Variants in PSG9 observed in about 807,000 individuals in gnomAD.
PSG9 encodes the protein pregnancy specific beta-1-glycoprotein 9.
PSG9 carries 49 observed loss-of-function variants against 41.9 expected under a neutral mutation model. The ratio of observed to expected loss-of-function variants is 1.17; its 90% confidence interval spans 0.93 to 1.48. The LOEUF (loss-of-function observed/expected upper bound fraction) is 1.48. Ranked by LOEUF, PSG9 falls within the 40% of genes most tolerant of loss-of-function variation. The pLI is 0.00. For synonymous variants in PSG9, 263 were observed against 196.8 expected (o/e 1.34, Z -2.82); for missense variants, 641 against 520.3 (o/e 1.23, Z -2.26).
chr19:43,258,077 A>G lies in PSG9; in HGVS notation c.1243+125T>C, dbSNP rs1184988179. On this transcript the variant is annotated intron_variant, in intron 5 of 5. Transcript: ENST00000270077. ...ACAAATTGGGAGGGTTCAGGAGGAG[A>G]ATTTGGGATTTGCTTGTGCCCATGG... The G allele has an allele frequency of 1.9e-6, 3 of 1,588,150 alleles. No homozygotes were observed. The South Asian group carries it at 3.3e-5, about 18-fold the overall frequency.
rs35986995 is a variant in PSG9, at chr19:43,255,105, CA to C, written c.1244-1460del. 6.6e-3 allele frequency among the ~76,000 whole-genome samples: 542 copies of C among 82,208 alleles called. 32 individuals carry two copies. The highest frequency in any genetic ancestry group is 0.022 in the African/African-American group (424 of 19,614). 53.9% of individuals were successfully genotyped at this position (82,208 alleles called of 152,430 possible). ...AGTGAGAGCCTGTCTCTCTCTCTTC[CA>C]AAAAAAAAAAAAAAGAAAGAAAGAA... is the stretch of plus-strand genomic sequence containing the variant. On this transcript the variant is annotated intron_variant, in intron 5 of 5. Coordinates refer to ENST00000270077, the MANE Select transcript of PSG9 (RefSeq NM_002784.5).
chr19:43,262,144 C>T lies in PSG9; in HGVS notation c.431-6G>A, dbSNP rs750901997. On this transcript the variant is annotated splice_region_variant and splice_polypyrimidine_tract_variant and intron_variant, in intron 2 of 5. Transcript: ENST00000270077. ...GTAGGGCTTGGGAGTCTCCACTGTG[C>T]AGAAAACAGAGAGAAGATTGCCCTG... The T allele has an allele frequency of 6.2e-7, 1 of 1,610,130 alleles. No homozygotes were observed.
At chr19:43,264,584 A>G (rs1414226263) in intron 2 of PSG9, among the ~76,000 whole-genome samples, 2 of 152,020 alleles carry the variant, frequency 1.3e-5, no homozygotes, top group Non-Finnish European at 2.9e-5. Context: ...AGGCCTCCCA[A>G]GTAGGTGGGA....
intron 2 of PSG9, among the ~76,000 whole-genome samples, chr19:43,264,575 G>C (rs550155321): frequency 2.0e-5 from 3 of 151,900 alleles, no homozygotes; most frequent in Non-Finnish European, 4.4e-5. Flanking sequence ...CTCCTGCCTA[G>C]GCCTCCCAAG....
chr19:43,257,489 G>A, intron 5 of PSG9: 1 of 977,116 alleles, frequency 1.0e-6, no homozygotes, highest in Non-Finnish European at 1.2e-6. Context: ...CCCACGTGCT[G>A]TGCCCAAAGC....
rs10420710 is a variant in PSG9, at chr19:43,259,171, G to A, written c.710-36C>T. The A allele has an allele frequency of 2.5e-3, 3,913 of 1,579,882 alleles. 641 individuals are homozygous for A. The African/African-American group carries it at 0.047, about 19-fold the overall frequency. ...AACAGAGAGAAGATTGTCCTGTGTG[G>A]CACCTTTGATTCCTCCACAGGCATA... On this transcript the variant is annotated intron_variant, in intron 3 of 5. Transcript: ENST00000270077.
In PSG9 at chr19:43,257,665, C is replaced by A; in HGVS notation, c.1243+537G>T. 13 of 1,061,866 alleles carry A rather than the reference C, an allele frequency of 1.2e-5. 1 individual carries two copies. The South Asian group carries it at 5.2e-4, about 43-fold the overall frequency. The allele number at this position is 1,061,866 out of a possible 1,614,324, so 65.8% of individuals were successfully genotyped here. On this transcript the variant is annotated intron_variant, in intron 5 of 5. Transcript: ENST00000270077. ...GCCACCAGGGCCCTTTCTACACACACGCTAGTCCCACCCCAGGTTGAGTGA... is the reference window on the plus strand; with the variant it reads ...GCCACCAGGGCCCTTTCTACACACAAGCTAGTCCCACCCCAGGTTGAGTGA...
At chr19:43,267,706 A>G in intron 2 of PSG9, 78 bp downstream of exon 2, 4 of 1,593,132 alleles carry the variant, frequency 2.5e-6, no homozygotes, top group East Asian at 2.2e-5. Flanking sequence ...GGCAGAGTCC[A>G]GGCCTGACAA....
chr19:43,268,034 C>G lies in PSG9; in HGVS notation c.180G>C (p.Gln60His), dbSNP rs1444804916. The change falls in exon 2 of 6, where the codon CAG becomes CAC. Residue 60 changes from glutamine to histidine, a missense_variant. Transcript: ENST00000270077. ...TGTACCAGAAGTAGCCAGGAAGATT[C>G]TGGGGCAAATTGTGGACAAGTAGAA... Reference protein sequence around the residue: ...DVLLLVHNLPQNLPGYFWYKG... With the variant: ...DVLLLVHNLPHNLPGYFWYKG... The G allele has an allele frequency of 6.2e-7, 1 of 1,613,706 alleles. No homozygotes were observed. Among genetic ancestry groups the G allele is most frequent in the African/African-American group, 1.3e-5 (1 of 74,828 alleles).
At chr19:43,257,743 G>C (rs1968499476) in intron 5 of PSG9, 1 of 1,214,870 alleles carries the variant, frequency 8.2e-7, no homozygotes, top group African/African-American at 1.7e-5. Context: ...CAGAGTCTGA[G>C]CTGCTCCTCC....
At chr19:43,258,076 G>T (rs763668190) in intron 5 of PSG9, 126 bp downstream of exon 5, 5 of 1,588,608 alleles carry the variant, frequency 3.1e-6, no homozygotes, top group Non-Finnish European at 4.3e-6. Context: ...TTCAGGAGGA[G>T]AATTTGGGAT....
rs567834320 is a variant in PSG9, at chr19:43,267,544, C to A, written c.430+240G>T. Among the ~76,000 whole-genome samples, 7 of 152,216 alleles carry A rather than the reference C, an allele frequency of 4.6e-5. No individual in the cohort carries two copies. The South Asian group carries it at 1.2e-3, about 27-fold the overall frequency. ...TGAGACTGATCTCCTCCTGCTGAGTCCCCCCATCAGACTGTCCTTCCTCTG... is the reference window on the plus strand; with the variant it reads ...TGAGACTGATCTCCTCCTGCTGAGTACCCCCATCAGACTGTCCTTCCTCTG... On this transcript the variant is annotated intron_variant, in intron 2 of 5. Transcript: ENST00000270077.
At chr19:43,269,310 C>T in intron 1 of PSG9, 58 bp downstream of exon 1, 1 of 1,611,280 alleles carries the variant, frequency 6.2e-7, no homozygotes, top group Non-Finnish European at 8.5e-7. Context: ...CTCCAGGAGA[C>T]CCCATCCAGT....
intron 2 of PSG9, among the ~76,000 whole-genome samples, chr19:43,264,616 C>T (rs1468659538): frequency 1.3e-5 from 2 of 152,074 alleles, no homozygotes; most frequent in Admixed American, 1.3e-4. Flanking sequence ...CACCACCACG[C>T]CCGGCTAATT....
chr19:43,268,047 T>C lies in PSG9; in HGVS notation c.167A>G (p.His56Arg), dbSNP rs1310592143. 5 of 1,613,738 alleles carry C rather than the reference T, an allele frequency of 3.1e-6. No homozygotes were observed. Among genetic ancestry groups the C allele is most frequent in the East Asian group, 2.2e-5 (1 of 44,878 alleles). The change falls in exon 2 of 6, where the codon CAC becomes CGC. Residue 56 changes from histidine to arginine, a missense_variant. By Grantham distance (29) the His-to-Arg change is conservative (BLOSUM62 0). Coordinates refer to ENST00000270077, the MANE Select transcript of PSG9 (RefSeq NM_002784.5). ...GCCAGGAAGATTCTGGGGCAAATTG[T>C]GGACAAGTAGAAGAACATCCTTCCC... The part of the protein sequence containing the change: ...SEGKDVLLLV[H>R]NLPQNLPGYF...
intron 5 of PSG9, among the ~76,000 whole-genome samples, chr19:43,255,168 T>A (rs1476822069): frequency 7.1e-6 from 1 of 141,210 alleles, no homozygotes; most frequent in East Asian, 2.5e-4. Flanking sequence ...TCTAATAAAA[T>A]AATGATGATG....
At position 43,259,100 on chromosome 19, in the gene PSG9, A is replaced by C. The variant is rs1568413045; in HGVS notation, c.745T>G (p.Leu249Val). Reference sequence around the variant, plus strand: ...ACATCCTTATTCTCCCTGGGGTTTAAGTTGTTGATGGTGATGTAGGGGATG... The same window carrying C: ...ACATCCTTATTCTCCCTGGGGTTTACGTTGTTGATGGTGATGTAGGGGATG... ...LPIPYITINN[L>V]NPRENKDVLA... Residue 249 changes from leucine (L) to valine (V), a missense_variant, in exon 4 of 6, where the codon TTA becomes GTA. Coordinates refer to ENST00000270077, the MANE Select transcript of PSG9 (RefSeq NM_002784.5). The C allele has an allele frequency of 6.3e-7, 1 of 1,590,432 alleles. No homozygotes were observed.
chr19:43,258,719 G>T, intron 4 of PSG9, 138 bp downstream of exon 4: 1 of 1,428,848 alleles, frequency 7.0e-7, no homozygotes, highest in Non-Finnish European at 9.3e-7. Flanking sequence ...TTTTCCCAGG[G>T]CAGGGAGTCA....
intron 5 of PSG9, among the ~76,000 whole-genome samples, chr19:43,254,851 G>A (rs550865641): frequency 1.4e-5 from 2 of 145,776 alleles, no homozygotes; most frequent in African/African-American, 2.6e-5. Flanking sequence ...CACTTTGGGA[G>A]GTCACAGCAG....
Sources: allele counts gnomAD v4.1 joint callset (sites outside exome capture counted in the v4.1 genomes callset), GRCh38; gene constraint gnomAD v4.1.1; transcripts MANE v1.5; gene names NCBI Gene and HGNC (gene_info 2026-07-23, HGNC 2026-07-21).